The following FGF12 variants were observed in gnomAD, a reference collection of about 807,000 sequenced individuals.
FGF12 encodes the protein fibroblast growth factor 12, also known as fibroblast growth factor 12B.
In FGF12, 14 loss-of-function variants were observed where a neutral mutation model predicts 23.6. That is an observed-to-expected ratio of 0.59 (90% CI 0.39 to 0.93). The LOEUF (loss-of-function observed/expected upper bound fraction) is 0.93, where lower values mean the gene tolerates loss of function less well. FGF12 is among the 40% of genes least tolerant of loss of function. The probability of loss-of-function intolerance (pLI) is 0.00; values close to 1 mark genes in which losing one functional copy is unlikely to be tolerated. For missense variants in FGF12, 175 were observed against 217.8 expected (o/e 0.80, Z 1.24); for synonymous variants, 62 against 77.3 (o/e 0.80, Z 1.04).
chr3:192,437,260 T>C (rs907502619), intron 2 of FGF12, among the ~76,000 whole-genome samples: 18 of 152,142 alleles, frequency 1.2e-4, no homozygotes, highest in African/African-American at 4.3e-4. Context: ...ATTAGGAAAA[T>C]AGAAATACTA....
chr3:192,714,009 G>A (rs910400627), intron 2 of FGF12, among the ~76,000 whole-genome samples: 2 of 152,162 alleles, frequency 1.3e-5, no homozygotes, highest in Non-Finnish European at 2.9e-5. Context: ...AAACCCCATG[G>A]CGATGATTTC....
intron 2 of FGF12, among the ~76,000 whole-genome samples, chr3:192,490,294 A>G (rs1241476983): frequency 6.6e-6 from 1 of 152,004 alleles, no homozygotes; most frequent in Non-Finnish European, 1.5e-5. Flanking sequence ...TTCTACCTCC[A>G]TCACTGAAGT....
chr3:192,711,595 G>C (rs1718683153), intron 2 of FGF12, among the ~76,000 whole-genome samples: 1 of 152,174 alleles, frequency 6.6e-6, no homozygotes, highest in African/African-American at 2.4e-5. Flanking sequence ...ATTTTGTTCT[G>C]TACTAAGAAA....
chr3:192,405,133 AAGAC>A (rs1720909729), intron 2 of FGF12, among the ~76,000 whole-genome samples: 1 of 151,080 alleles, frequency 6.6e-6, no homozygotes, highest in Admixed American at 6.6e-5. Flanking sequence ...CTCATCTACA[AAGAC>A]AGAGATTTTG....
rs182325624 is a variant in FGF12, at chr3:192,379,589, C to A, written c.14-19051G>T. 1.4e-3 allele frequency among the ~76,000 whole-genome samples: 211 copies of A among 152,324 alleles called. 1 individual carries two copies. Among genetic ancestry groups the A allele is most frequent in the African/African-American group, 4.9e-3 (202 of 41,568 alleles). ...AATAATATTTACAAAGTGGCTATTTCCCAGAATGACATCGAAATTTCACAT... is the reference window on the plus strand; with the variant it reads ...AATAATATTTACAAAGTGGCTATTTACCAGAATGACATCGAAATTTCACAT... On this transcript the variant is annotated intron_variant, in intron 2 of 5. Transcript: ENST00000445105.
chr3:192,493,355 T>C (rs1723855321), intron 2 of FGF12, among the ~76,000 whole-genome samples: 1 of 152,212 alleles, frequency 6.6e-6, no homozygotes, highest in African/African-American at 2.4e-5. Flanking sequence ...CAAATGGACT[T>C]CTTCTTAACT....
chr3:192,310,246 C>G (rs1255844867), intron 4 of FGF12, among the ~76,000 whole-genome samples: 1 of 152,166 alleles, frequency 6.6e-6, no homozygotes, highest in Non-Finnish European at 1.5e-5. Context: ...GTGAAACAAA[C>G]TAAACTGAGA....
chr3:192,527,895 G>A (rs921706366), intron 2 of FGF12, among the ~76,000 whole-genome samples: 1 of 149,538 alleles, frequency 6.7e-6, no homozygotes, highest in Non-Finnish European at 1.5e-5. Flanking sequence ...ATAATCATCA[G>A]ATCTGGTGAG....
At chr3:192,544,680 T>A (rs1725453196) in intron 2 of FGF12, among the ~76,000 whole-genome samples, 1 of 152,086 alleles carries the variant, frequency 6.6e-6, no homozygotes, top group Admixed American at 6.6e-5. Context: ...AGAAGTAGGG[T>A]CTGGATTTCA....
intron 4 of FGF12, among the ~76,000 whole-genome samples, chr3:192,182,540 G>GA (rs572875958): frequency 7.5e-4 from 114 of 152,262 alleles, no homozygotes; most frequent in African/African-American, 2.6e-3. Context: ...AAGAACCCAT[G>GA]AAATAGGCAA....
intron 4 of FGF12, among the ~76,000 whole-genome samples, chr3:192,203,533 G>A (rs915024885): frequency 6.7e-6 from 1 of 150,092 alleles, no homozygotes; most frequent in African/African-American, 2.5e-5. Context: ...TAATAAATGA[G>A]TCAGCTTACA....
Position 192,530,247 on chromosome 3 carries a change from C to G in FGF12, c.14-169709G>C, listed in dbSNP as rs998537231. On this transcript the variant is annotated intron_variant, in intron 2 of 5. Transcript: ENST00000445105. Reference sequence around the variant, plus strand: ...CTGGACCTAGGATTACCTCTCAACCCTTACATTTACTGGATGAGACGACTG... The same window carrying G: ...CTGGACCTAGGATTACCTCTCAACCGTTACATTTACTGGATGAGACGACTG... Among the ~76,000 whole-genome samples, 49 of 152,190 alleles carry G rather than the reference C, an allele frequency of 3.2e-4. 1 individual carries two copies. The highest frequency in any genetic ancestry group is 1.1e-3 in the African/African-American group (45 of 41,522).
At chr3:192,173,901 A>C (rs1203296812) in intron 4 of FGF12, among the ~76,000 whole-genome samples, 1 of 152,236 alleles carries the variant, frequency 6.6e-6, no homozygotes, top group Non-Finnish European at 1.5e-5. Context: ...ATGATAGTAC[A>C]ATTTGGCACC....
intron 2 of FGF12, among the ~76,000 whole-genome samples, chr3:192,417,357 C>CAA (rs35195568): frequency 3.1e-4 from 41 of 131,338 alleles, no homozygotes; most frequent in African/African-American, 9.3e-4. Context: ...AATTCATTAC[C>CAA]AAAAAAAAAA....
At chr3:192,548,895 T>A (rs951553801) in intron 2 of FGF12, among the ~76,000 whole-genome samples, 2 of 152,290 alleles carry the variant, frequency 1.3e-5, no homozygotes. Context: ...CCTGTGGGAA[T>A]AATTCATTGC....
intron 4 of FGF12, among the ~76,000 whole-genome samples, chr3:192,194,720 T>G (rs1383801389): frequency 6.6e-6 from 1 of 152,172 alleles, no homozygotes; most frequent in Admixed American, 6.5e-5. Context: ...CAATACTATC[T>G]TTGAAACATT....
chr3:192,158,258 TA>T (rs2108597815), intron 5 of FGF12, among the ~76,000 whole-genome samples: 1 of 152,232 alleles, frequency 6.6e-6, no homozygotes, highest in East Asian at 1.9e-4. Flanking sequence ...AAGCTTCCAA[TA>T]CCACCTTAGC....
chr3:192,619,699 TATA>T (rs1714899315), intron 2 of FGF12, among the ~76,000 whole-genome samples: 1 of 152,196 alleles, frequency 6.6e-6, no homozygotes, highest in African/African-American at 2.4e-5. Flanking sequence ...TTGATTTTCC[TATA>T]ATGTGCGAAA....
At chr3:192,410,550 T>A (rs1232015482) in intron 2 of FGF12, among the ~76,000 whole-genome samples, 1 of 152,142 alleles carries the variant, frequency 6.6e-6, no homozygotes, top group African/African-American at 2.4e-5. Flanking sequence ...TCTGTTTAGT[T>A]AGGAAGAAAG....
Sources: gnomAD v4.1 joint callset for allele counts (sites outside exome capture counted in the v4.1 genomes callset) on GRCh38, gnomAD v4.1.1 for gene constraint, MANE v1.5 for transcripts, NCBI Gene and HGNC (gene_info 2026-07-23, HGNC 2026-07-21) for gene names.